PIKFYVE: variants seen among roughly 807,000 people sequenced by gnomAD.
PIKFYVE encodes the protein 1-phosphatidylinositol 3-phosphate 5-kinase.
Under a neutral mutation model 257.9 loss-of-function variants are expected in PIKFYVE, and 122 were observed. The observed-to-expected ratio is 0.47, with a 90% CI of 0.41 to 0.55. PIKFYVE has a LOEUF of 0.55. PIKFYVE is among the 20% of genes least tolerant of loss of function. The probability of loss-of-function intolerance (pLI) is 0.00; values close to 1 mark genes in which losing one functional copy is unlikely to be tolerated. For missense variants in PIKFYVE, 2,160 were observed against 2,536.6 expected (o/e 0.85, Z 3.19); for synonymous variants, 892 against 868.9 (o/e 1.03, Z -0.47).
At chr2:208,339,604 A>C (rs376694133) in intron 30 of PIKFYVE, 49 bp downstream of exon 30, 5 of 1,599,248 alleles carry the variant, frequency 3.1e-6, no homozygotes, top group Non-Finnish European at 4.3e-6. Context: ...TAAGACTGAA[A>C]GATATATCAT....
chr2:208,318,550 C>CA (rs1280210546), intron 16 of PIKFYVE, among the ~76,000 whole-genome samples: 1 of 152,208 alleles, frequency 6.6e-6, no homozygotes, highest in Non-Finnish European at 1.5e-5. Flanking sequence ...AGTGTACATA[C>CA]ATTGAGATCA....
At chr2:208,317,706 A>G (rs1187954627) in intron 15 of PIKFYVE, among the ~76,000 whole-genome samples, 161 bp from the exon 16 acceptor site, 1 of 152,208 alleles carries the variant, frequency 6.6e-6, no homozygotes. Flanking sequence ...CAGAGATGCC[A>G]TTGATCGTTG....
intron 12 of PIKFYVE, among the ~76,000 whole-genome samples, chr2:208,307,387 G>C (rs1361063990): frequency 6.6e-6 from 1 of 152,164 alleles, no homozygotes; most frequent in Non-Finnish European, 1.5e-5. Context: ...AGAGGAAAGT[G>C]AAGTTCAGGA....
chr2:208,270,717 G>T (rs542201169), intron 1 of PIKFYVE, among the ~76,000 whole-genome samples: 8 of 152,104 alleles, frequency 5.3e-5, no homozygotes, highest in Admixed American at 3.9e-4. Context: ...GAAATATAAT[G>T]ATTTTTATAT....
rs1179989794 is a variant in PIKFYVE, at chr2:208,315,311, C to T, written c.1945C>T (p.Arg649Ter). The T allele has an allele frequency of 3.7e-6, 6 of 1,614,156 alleles. No homozygotes were observed. The highest frequency in any genetic ancestry group is 4.2e-6 in the Non-Finnish European group (5 of 1,180,016). The change falls in exon 15 of 42, where the codon CGA becomes TGA. Residue 649 changes from arginine (R) to a stop codon, truncating the protein, a stop_gained. Transcript: ENST00000264380. LOFTEE classifies it high-confidence loss of function. The part of the protein sequence containing the change: ...SLVCQVVQTV[R>*]PDVKNQDDDM... Reference sequence around the variant, plus strand: ...GGTCTGCCAGGTTGTTCAGACAGTCCGACCTGATGTCAAGAACCAGGATGA... The same window carrying T: ...GGTCTGCCAGGTTGTTCAGACAGTCTGACCTGATGTCAAGAACCAGGATGA...
chr2:208,285,605 A>G, intron 5 of PIKFYVE, 121 bp from the exon 6 acceptor site: 1 of 811,556 alleles, frequency 1.2e-6, no homozygotes, highest in Non-Finnish European at 2.1e-6. Context: ...CTGTACTTGA[A>G]GACATTTCCG....
chr2:208,269,661 G>A, intron 1 of PIKFYVE: 1 of 256,474 alleles, frequency 3.9e-6, no homozygotes, highest in Non-Finnish European at 8.1e-6. Context: ...CACTGGTGAG[G>A]TTCTGGTCCA....
At chr2:208,277,826 C>T (rs1690304582) in intron 5 of PIKFYVE, 118 bp downstream of exon 5, 1 of 1,058,542 alleles carries the variant, frequency 9.4e-7, no homozygotes, top group East Asian at 2.4e-5. Context: ...GACATGGGGA[C>T]ACAAAGGTGA....
At chr2:208,332,681 A>T (rs1317834524) in intron 23 of PIKFYVE, among the ~76,000 whole-genome samples, 2 of 152,282 alleles carry the variant, frequency 1.3e-5, no homozygotes, top group East Asian at 3.9e-4. Flanking sequence ...TAAGTAAAAG[A>T]TTATGAAACT....
intron 36 of PIKFYVE, among the ~76,000 whole-genome samples, 194 bp from the exon 37 acceptor site, chr2:208,350,577 C>T (rs548956121): frequency 4.0e-5 from 6 of 151,730 alleles, no homozygotes; most frequent in South Asian, 2.1e-4. Flanking sequence ...GATGGTCATA[C>T]GATGTTCTTT....
rs1016996577 is a variant in PIKFYVE at position 208,266,392 on chromosome 2, G to C, written c.-33G>C. 6.6e-6 allele frequency: 1 copy of C among 152,562 alleles called. No homozygotes were observed. Among genetic ancestry groups the C allele is most frequent in the African/African-American group, 2.4e-5 (1 of 41,424 alleles). The allele number at this position is 152,562 out of a possible 1,614,324, so 9.5% of individuals were successfully genotyped here. Reference sequence around the variant, plus strand: ...CGGAGGCTGGGGCGGGGGGCAGCCGGCGCGGCCGGGGCAGGAGGCGCAGGT... The same window carrying C: ...CGGAGGCTGGGGCGGGGGGCAGCCGCCGCGGCCGGGGCAGGAGGCGCAGGT... On this transcript the variant is annotated 5_prime_UTR_variant, in exon 1 of 42. Transcript: ENST00000264380.
At chr2:208,291,579 C>A (rs970017772) in intron 7 of PIKFYVE, among the ~76,000 whole-genome samples, 5 of 152,096 alleles carry the variant, frequency 3.3e-5, no homozygotes, top group Admixed American at 3.3e-4. Context: ...TGGTAGAATT[C>A]ACCAGTGAAT....
chr2:208,335,984 A>G (rs1698102204), intron 26 of PIKFYVE, 62 bp from the exon 27 acceptor site: 1 of 1,597,900 alleles, frequency 6.3e-7, no homozygotes, highest in African/African-American at 1.3e-5. Context: ...TAATAATAGC[A>G]GTTTCTTTTG....
At chr2:208,308,411 G>GAA (rs964571431) in intron 12 of PIKFYVE, among the ~76,000 whole-genome samples, 4 of 135,464 alleles carry the variant, frequency 3.0e-5, no homozygotes, top group African/African-American at 1.1e-4. Context: ...AAAAAAAAAA[G>GAA]AAAAAAAATT....
In PIKFYVE at chr2:208,340,401, A is replaced by T. The variant is rs181224267; in HGVS notation, c.4931+270A>T. ...AACACTTGTTTGTTTATCTTTTTTC[A>T]AAGATATGTGGCTATATCCACTGAT... On this transcript the variant is annotated intron_variant, in intron 31 of 41. Transcript: ENST00000264380. Among the ~76,000 whole-genome samples the T allele has an allele frequency of 7.2e-3, 1,094 of 152,312 alleles. 5 individuals are homozygous for T. Among genetic ancestry groups the T allele is most frequent in the Non-Finnish European group, 0.012 (812 of 68,010 alleles).
intron 17 of PIKFYVE, among the ~76,000 whole-genome samples, chr2:208,322,782 CA>C (rs1252577615): frequency 6.7e-6 from 1 of 149,382 alleles, no homozygotes; most frequent in Non-Finnish European, 1.5e-5. Flanking sequence ...ATGCCATGTT[CA>C]TGTGTTGCAC....
rs35035028 is a variant in PIKFYVE, at chr2:208,293,675, G to GT, written c.911+4872dup. ...TTATCTTTGATACTCTACAGGTAAGGTTTTTTTTTTTTTTTCTTTAAATAG... is the reference window on the plus strand; with the variant it reads ...TTATCTTTGATACTCTACAGGTAAGGTTTTTTTTTTTTTTTTCTTTAAATAG... On this transcript the variant is annotated intron_variant, in intron 7 of 41. Transcript: ENST00000264380. 9.7e-3 allele frequency among the ~76,000 whole-genome samples: 1,354 copies of GT among 139,044 alleles called. 10 individuals carry two copies. Among genetic ancestry groups the GT allele is most frequent in the Middle Eastern group, 0.023 (6 of 264 alleles). The allele number at this position is 139,044 out of a possible 152,430, so 91.2% of individuals were successfully genotyped here. A position where few individuals can be genotyped will look rare whatever the true frequency, so the allele number is the denominator to read the frequency against.
intron 8 of PIKFYVE, among the ~76,000 whole-genome samples, chr2:208,300,197 A>G (rs1385530306): frequency 6.6e-6 from 1 of 152,234 alleles, no homozygotes; most frequent in African/African-American, 2.4e-5. Context: ...TAATGAGGGA[A>G]TCAGAAAAAG....
intron 7 of PIKFYVE, 52 bp downstream of exon 7, chr2:208,288,870 G>C: frequency 6.3e-7 from 1 of 1,598,578 alleles, no homozygotes; most frequent in Non-Finnish European, 8.6e-7. Flanking sequence ...TTCTTTTCAT[G>C]CTAATAAGAA....
Sources: gnomAD v4.1 joint callset for allele counts (sites outside exome capture counted in the v4.1 genomes callset) on GRCh38, gnomAD v4.1.1 for gene constraint, MANE v1.5 for transcripts, NCBI Gene and HGNC (gene_info 2026-07-23, HGNC 2026-07-21) for gene names.